ZZEF1: variants seen among roughly 807,000 people sequenced by gnomAD.
ZZEF1 encodes zinc finger ZZ-type and EF-hand domain-containing protein 1.
Under a neutral mutation model 342.8 loss-of-function variants are expected in ZZEF1, and 157 were observed. The ratio of observed to expected loss-of-function variants is 0.46; its 90% confidence interval spans 0.40 to 0.52. ZZEF1 has a LOEUF of 0.52. ZZEF1 is among the 20% of genes least tolerant of loss of function. The pLI, the probability that ZZEF1 is intolerant of heterozygous loss-of-function variation, is 0.00. For missense variants in ZZEF1, 3,480 were observed against 3,725.6 expected (o/e 0.93, Z 1.72); for synonymous variants, 1,505 against 1,429.1 (o/e 1.05, Z -1.20).
At chr17:4,062,722 T>G (rs1240891085) in intron 30 of ZZEF1, 31 bp downstream of exon 30, 1 of 1,554,912 alleles carries the variant, frequency 6.4e-7, no homozygotes, top group East Asian at 2.3e-5. Flanking sequence ...ATCTTTGCTG[T>G]TTTCCTTCTG....
intron 3 of ZZEF1, among the ~76,000 whole-genome samples, chr17:4,116,582 A>C (rs1182683628): frequency 6.6e-6 from 1 of 152,234 alleles, no homozygotes; most frequent in Non-Finnish European, 1.5e-5. Flanking sequence ...CCTACCATGC[A>C]ACAGGCACAG....
chr17:4,024,779 G>C lies in ZZEF1; in HGVS notation c.7092+140C>G, dbSNP rs2056365202. On this transcript the variant is annotated intron_variant, in intron 43 of 54. Transcript: ENST00000381638. Reference sequence around the variant, plus strand: ...CCTCTTTGAAGTTATCTGTGTGTAAGGCCCACGCGTTTCTAAAAATAATCA... The same window carrying C: ...CCTCTTTGAAGTTATCTGTGTGTAACGCCCACGCGTTTCTAAAAATAATCA... The C allele has an allele frequency of 2.0e-5, 16 of 799,526 alleles. No homozygotes were observed. The South Asian group carries it at 2.5e-4, about 13-fold the overall frequency. The allele number at this position is 799,526 out of a possible 1,614,324, so 49.5% of individuals were successfully genotyped here.
chr17:4,018,384 C>T (rs373298126), intron 46 of ZZEF1, among the ~76,000 whole-genome samples: 53 of 152,076 alleles, frequency 3.5e-4, no homozygotes, highest in African/African-American at 1.1e-3. Flanking sequence ...CTAGTAGCTG[C>T]GATTACAGGC....
chr17:4,122,475 GT>G (rs2058499698), intron 2 of ZZEF1, among the ~76,000 whole-genome samples: 1 of 151,828 alleles, frequency 6.6e-6, no homozygotes, highest in Non-Finnish European at 1.5e-5. Flanking sequence ...ACCTCCCAGG[GT>G]TCAAGTGATT....
chr17:4,015,097 A>T (rs2056066185), intron 49 of ZZEF1, among the ~76,000 whole-genome samples: 1 of 152,186 alleles, frequency 6.6e-6, no homozygotes, highest in Admixed American at 6.5e-5. Flanking sequence ...CATCACTGAC[A>T]GCTGGTGTGG....
chr17:4,014,005 C>T lies in ZZEF1; in HGVS notation c.8413+85G>A. On this transcript the variant is annotated intron_variant, in intron 51 of 54. Transcript: ENST00000381638. This position sits in a 1 kb window ranked among gnomAD's most constrained non-coding sequence, Gnocchi z 4.4. ...AGACAAGTACCTGCTTTGATTTTAA[C>T]CAAGATCAGTGACATCATGGCACCC... The T allele has an allele frequency of 7.6e-7, 1 of 1,321,080 alleles. No individual in the cohort carries two copies. Among genetic ancestry groups the T allele is most frequent in the South Asian group, 1.2e-5 (1 of 81,244 alleles). The allele number at this position is 1,321,080 out of a possible 1,614,324, so 81.8% of individuals were successfully genotyped here.
At chr17:4,024,782 C>T in intron 43 of ZZEF1, 137 bp downstream of exon 43, 1 of 827,210 alleles carries the variant, frequency 1.2e-6, no homozygotes, top group Non-Finnish European at 2.0e-6. Flanking sequence ...TGTGTAAGGC[C>T]CACGCGTTTC....
chr17:4,077,846 C>A (rs767243941), intron 19 of ZZEF1, 37 bp downstream of exon 19: 1 of 1,605,456 alleles, frequency 6.2e-7, no homozygotes, highest in Admixed American at 1.7e-5. Flanking sequence ...AAAACCCAAA[C>A]GCCATCTGTT....
intron 1 of ZZEF1, among the ~76,000 whole-genome samples, chr17:4,140,339 C>G (rs951436276): frequency 6.6e-6 from 1 of 152,214 alleles, no homozygotes; most frequent in South Asian, 2.1e-4. Flanking sequence ...TCCTGTAACA[C>G]TATCTGCTTT....
chr17:4,019,892 C>T (rs1597766106), intron 45 of ZZEF1, 123 bp from the exon 46 acceptor site: 5 of 647,058 alleles, frequency 7.7e-6, no homozygotes, highest in Middle Eastern at 3.0e-4. Flanking sequence ...AATTGAGGAA[C>T]ATTATATGGG....
chr17:4,025,228 CAT>C (rs1317286647), intron 42 of ZZEF1, 110 bp from the exon 43 acceptor site: 12 of 1,063,254 alleles, frequency 1.1e-5, no homozygotes, highest in Non-Finnish European at 1.5e-5. Context: ...ACTGCAGAAA[CAT>C]AAATCTCTCG....
At chr17:4,023,656 C>CAAAAAA (rs71144154) in intron 43 of ZZEF1, among the ~76,000 whole-genome samples, 5 of 71,412 alleles carry the variant, frequency 7.0e-5, no homozygotes, top group East Asian at 4.3e-4. Context: ...CCTGTCTCTC[C>CAAAAAA]AAAAAAAAAA....
At chr17:4,067,046 T>A in intron 27 of ZZEF1, 117 bp downstream of exon 27, 1 of 821,776 alleles carries the variant, frequency 1.2e-6, no homozygotes, top group South Asian at 1.9e-5. Context: ...CACTAAACTT[T>A]AGCTTAACAA....
chr17:4,007,026 AG>A (rs1364230691), intron 54 of ZZEF1, 56 bp from the exon 55 acceptor site: 1 of 1,464,506 alleles, frequency 6.8e-7, no homozygotes, highest in African/African-American at 1.4e-5. Flanking sequence ...TCATTCAGTG[AG>A]TGCTGATAAG....
chr17:4,018,193 T>G (rs1383791984), intron 46 of ZZEF1, among the ~76,000 whole-genome samples: 1 of 152,172 alleles, frequency 6.6e-6, no homozygotes, highest in African/African-American at 2.4e-5. Context: ...TCCTGCAAAA[T>G]CCATTCTCCT....
intron 5 of ZZEF1, among the ~76,000 whole-genome samples, chr17:4,111,795 TG>T (rs940782849): frequency 6.8e-6 from 1 of 146,310 alleles, no homozygotes; most frequent in Non-Finnish European, 1.5e-5. Context: ...CCCAACGTTT[TG>T]GGAGGCCAAG....
Position 4,114,461 on chromosome 17 carries a change from C to T in ZZEF1, c.704G>A (p.Gly235Glu). 6.5e-7 allele frequency: 1 copy of T among 1,542,310 alleles called. No homozygotes were observed. Among genetic ancestry groups the T allele is most frequent in the Admixed American group, 2.0e-5 (1 of 50,334 alleles). Residue 235 changes from glycine to glutamate, a missense_variant, in exon 4 of 55, where the codon GGA becomes GAA. Gly to Glu is a moderately conservative substitution (Grantham distance 98). Transcript: ENST00000381638. ...QLVQKEKESP[G>E]DLTRSPEMDK... ...CATCTCTGGACTTCTAGTTAGATCTCCAGGGCTTTCTGTAGGGGAAACCAG... is the reference window on the plus strand; with the variant it reads ...CATCTCTGGACTTCTAGTTAGATCTTCAGGGCTTTCTGTAGGGGAAACCAG...
chr17:4,007,039 C>T (rs2055817077), intron 54 of ZZEF1, 69 bp from the exon 55 acceptor site: 3 of 1,400,044 alleles, frequency 2.1e-6, no homozygotes, highest in Non-Finnish European at 2.9e-6. Context: ...GCTGATAAGA[C>T]CCTCAGCTGA....
At chr17:4,057,114 C>T (rs1010639859) in intron 32 of ZZEF1, among the ~76,000 whole-genome samples, 1 of 152,232 alleles carries the variant, frequency 6.6e-6, no homozygotes, top group Admixed American at 6.5e-5. Flanking sequence ...GCTTTGCGCT[C>T]GGTGCCACGG....
Sources: allele counts gnomAD v4.1 joint callset (sites outside exome capture counted in the v4.1 genomes callset), GRCh38; gene constraint gnomAD v4.1.1; non-coding constraint Gnocchi (gnomAD v3.1); transcripts MANE v1.5; gene names NCBI Gene and HGNC (gene_info 2026-07-23, HGNC 2026-07-21).